NPIPB8: variants seen among roughly 807,000 people sequenced by gnomAD.
The protein encoded by NPIPB8 is nuclear pore complex interacting protein family member B8, also known as nuclear pore complex-interacting protein family member B8.
In NPIPB8, 3 loss-of-function variants were observed where a neutral mutation model predicts 5.3. The observed-to-expected ratio is 0.57, with a 90% CI of 0.26 to 1.47. The LOEUF is 1.47. NPIPB8 is among the 40% of genes most tolerant of loss of function. The pLI is 0.13. For missense variants in NPIPB8, 50 were observed against 50.2 expected, an observed-to-expected ratio of 1.00 and a Z score of 0.01; for synonymous variants, 18 against 23.0, an observed-to-expected ratio of 0.78 and a Z score of 0.62.
intron 2 of NPIPB8, among the ~76,000 whole-genome samples, chr16:28,642,627 G>A (rs1363855710): frequency 6.6e-6 from 1 of 150,940 alleles, no homozygotes; most frequent in African/African-American, 2.4e-5. Context: ...TGGGACTACA[G>A]GTGCCCACCA....
chr16:28,651,753 C>G lies in NPIPB8; in HGVS notation c.304-204C>G, dbSNP rs1216765096. Among the ~76,000 whole-genome samples the G allele has an allele frequency of 9.7e-5, 7 of 72,406 alleles. 1 individual carries two copies. The highest frequency in any genetic ancestry group is 1.8e-4 in the Non-Finnish European group (7 of 39,136). 47.5% of individuals were successfully genotyped at this position (72,406 alleles called of 152,430 possible). On this transcript the variant is annotated intron_variant, in intron 3 of 7. Coordinates refer to ENST00000683297, the MANE Select transcript of NPIPB8 (RefSeq NM_001310136.2). ...CAAATGGTTCTCTGCCTCAGCCTCCCGAGTAGCTTGGATTACAGGCGCCCG... is the reference window on the plus strand; with the variant it reads ...CAAATGGTTCTCTGCCTCAGCCTCCGGAGTAGCTTGGATTACAGGCGCCCG...
chr16:28,641,298 G>A lies in NPIPB8; in HGVS notation c.120+2818G>A, dbSNP rs1205372006. On this transcript the variant is annotated intron_variant, in intron 2 of 7. Coordinates refer to ENST00000683297, the MANE Select transcript of NPIPB8 (RefSeq NM_001310136.2). ...CTGTGGGGATAGTGGGGGTAGTGGG[G>A]GTAGTGGTCAGCCAGACTTGGTGAC... 4.6e-5 allele frequency among the ~76,000 whole-genome samples: 7 copies of A among 150,874 alleles called. No individual in the cohort carries two copies. The East Asian group carries it at 7.8e-4, about 17-fold the overall frequency.
rs1040391463 is a variant in NPIPB8 at position 28,639,428 on chromosome 16, G to GACAC, written c.120+962_120+965dup. Among the ~76,000 whole-genome samples the GACAC allele has an allele frequency of 2.3e-3, 308 of 135,336 alleles. 1 individual carries two copies. Among genetic ancestry groups the GACAC allele is most frequent in the African/African-American group, 8.5e-3 (287 of 33,710 alleles). 88.8% of individuals were successfully genotyped at this position (135,336 alleles called of 152,430 possible). A position where few individuals can be genotyped will look rare whatever the true frequency, so the allele number is the denominator to read the frequency against. On this transcript the variant is annotated intron_variant, in intron 2 of 7. Transcript: ENST00000683297. ...ACACACACACACAGACACACACACAGACACACACACACACACATATATATA... is the reference window on the plus strand; with the variant it reads ...ACACACACACACAGACACACACACAGACACACACACACACACACACATATATATA...
At chr16:28,641,704 T>C (rs1257848888) in intron 2 of NPIPB8, among the ~76,000 whole-genome samples, 1 of 127,518 alleles carries the variant, frequency 7.8e-6, no homozygotes, top group African/African-American at 2.9e-5. Context: ...ACAGATTGCT[T>C]CCTCCTATCC....
intron 2 of NPIPB8, among the ~76,000 whole-genome samples, chr16:28,640,269 A>G (rs1007063611): frequency 2.7e-5 from 4 of 147,766 alleles, no homozygotes; most frequent in African/African-American, 1.1e-4. Context: ...AAACGATGGA[A>G]ATGTACAAAA....
In NPIPB8 at chr16:28,657,353, G is replaced by C; in HGVS notation, c.697-675G>C. ...ACCTCCAGAGTGAAGAAGTTCCTTT[G>C]TCAAGAAGGGAAACAGAGGGGAAAT... is the stretch of plus-strand genomic sequence containing the variant. On this transcript the variant is annotated intron_variant, in intron 7 of 7. Transcript: ENST00000683297. 4.3e-5 allele frequency: 28 copies of C among 648,728 alleles called. 7 individuals carry two copies. Among genetic ancestry groups the C allele is most frequent in the Non-Finnish European group, 4.9e-5 (28 of 573,730 alleles). The allele number at this position is 648,728 out of a possible 1,614,324, so 40.2% of individuals were successfully genotyped here.
intron 2 of NPIPB8, among the ~76,000 whole-genome samples, chr16:28,639,492 T>C (rs993566671): frequency 7.4e-6 from 1 of 135,834 alleles, no homozygotes; most frequent in Non-Finnish European, 1.6e-5. Flanking sequence ...AGTTTCACTC[T>C]GTCCCCCAGG....
intron 2 of NPIPB8, chr16:28,644,520 C>G: frequency 7.9e-7 from 1 of 1,263,326 alleles, no homozygotes; most frequent in Non-Finnish European, 1.0e-6. Flanking sequence ...CGTCCCCTTC[C>G]CTCCCCCCTG....
chr16:28,639,011 G>C (rs1235810978), intron 2 of NPIPB8, among the ~76,000 whole-genome samples: 2 of 150,306 alleles, frequency 1.3e-5, no homozygotes, highest in Admixed American at 6.6e-5. Flanking sequence ...GGAGGTTTTA[G>C]TGGGCCAAGA....
chr16:28,645,213 T>G (rs562976366), intron 2 of NPIPB8, among the ~76,000 whole-genome samples: 1 of 125,654 alleles, frequency 8.0e-6, no homozygotes, highest in Non-Finnish European at 1.8e-5. Context: ...GTATTTTTAG[T>G]AGAGACGGGG....
chr16:28,651,603 C>CTT (rs1406340985), intron 3 of NPIPB8, among the ~76,000 whole-genome samples: 238 of 22,974 alleles, frequency 0.01, 1 homozygote, highest in African/African-American at 0.042. Context: ...TCATGTCATT[C>CTT]TTGTGTGTGT....
At chr16:28,640,583 AC>A (rs1370733317) in intron 2 of NPIPB8, among the ~76,000 whole-genome samples, 1 of 151,886 alleles carries the variant, frequency 6.6e-6, no homozygotes, top group Non-Finnish European at 1.5e-5. Context: ...CTCCATTAAG[AC>A]CGTCATATGG....
chr16:28,640,812 T>C lies in NPIPB8; in HGVS notation c.120+2332T>C, dbSNP rs1259665627. ...AATCAGCAGTGAACTCAGAATCAAT[T>C]GAGTGACATTGAGTCAGTAAATCTC... is the stretch of plus-strand genomic sequence containing the variant. On this transcript the variant is annotated intron_variant, in intron 2 of 7. Coordinates refer to ENST00000683297, the MANE Select transcript of NPIPB8 (RefSeq NM_001310136.2). Among the ~76,000 whole-genome samples, 7 of 152,128 alleles carry C rather than the reference T, an allele frequency of 4.6e-5. No homozygotes were observed. The East Asian group carries it at 9.6e-4, about 21-fold the overall frequency.
At chr16:28,651,310 TGAGACAGAGTTTCAA>T (rs2048038689) in intron 3 of NPIPB8, among the ~76,000 whole-genome samples, 4 of 38,270 alleles carry the variant, frequency 1.0e-4, no homozygotes, top group African/African-American at 1.6e-4. Context: ...TTTTTTTTTT[TGAGACAGAGTTTCAA>T]TTTTGTTGCC....
At position 28,642,416 on chromosome 16, in the gene NPIPB8, G is replaced by A. The variant is rs529631425; in HGVS notation, c.120+3936G>A. Among the ~76,000 whole-genome samples the A allele has an allele frequency of 7.6e-4, 115 of 150,734 alleles. 2 individuals carry two copies. The Middle Eastern group carries it at 0.026, about 33-fold the overall frequency. ...ACCATGCCCAGCCAAATCTAGGGCC[G>A]GAACATGGCTGCAGCATATAAAAAG... On this transcript the variant is annotated intron_variant, in intron 2 of 7. Coordinates refer to ENST00000683297, the MANE Select transcript of NPIPB8 (RefSeq NM_001310136.2).
chr16:28,652,541 C>T (rs2048057912), intron 5 of NPIPB8, among the ~76,000 whole-genome samples, 177 bp downstream of exon 5: 1 of 102,468 alleles, frequency 9.8e-6, no homozygotes, highest in South Asian at 2.6e-4. Context: ...TCCCTTCCTA[C>T]ATTCTTGTTT....
chr16:28,652,758 T>C (rs374467654), intron 5 of NPIPB8, among the ~76,000 whole-genome samples: 103 of 135,956 alleles, frequency 7.6e-4, no homozygotes, highest in Non-Finnish European at 1.0e-3. Flanking sequence ...CCCACCACCA[T>C]GCCCAGCTAA....
At position 28,640,452 on chromosome 16, in the gene NPIPB8, C is replaced by A. The variant is rs1416032652; in HGVS notation, c.120+1972C>A. 3.9e-5 allele frequency among the ~76,000 whole-genome samples: 6 copies of A among 152,084 alleles called. No homozygotes were observed. In the East Asian group the frequency reaches 9.6e-4, roughly 24 times the overall value. On this transcript the variant is annotated intron_variant, in intron 2 of 7. Transcript: ENST00000683297. ...AGAGAGTGGCCAGTCTCAATGGCTC[C>A]CAACTCTTTTGCCTCGAGGTGACAC... is the stretch of plus-strand genomic sequence containing the variant.
At chr16:28,642,934 T>A (rs1043810927) in intron 2 of NPIPB8, among the ~76,000 whole-genome samples, 11 of 152,344 alleles carry the variant, frequency 7.2e-5, no homozygotes, top group Admixed American at 5.9e-4. Context: ...GCAGTGGTTT[T>A]CAGCTGCCAG....
Sources: allele counts gnomAD v4.1 joint callset (sites outside exome capture counted in the v4.1 genomes callset), GRCh38; gene constraint gnomAD v4.1.1; transcripts MANE v1.5; gene names NCBI Gene and HGNC (gene_info 2026-07-23, HGNC 2026-07-21).